Variants in UGGT1 observed in about 807,000 individuals in gnomAD.
UGGT1 encodes the protein UDP-glucose:glycoprotein glucosyltransferase 1.
A neutral mutation model predicts 203.9 loss-of-function variants in UGGT1; 107 were observed. That is an observed-to-expected ratio of 0.52 (90% CI 0.45 to 0.62). The LOEUF (loss-of-function observed/expected upper bound fraction) is 0.62. Among genes scored for constraint, UGGT1 ranks in the 20% least tolerant of loss-of-function variants. The pLI, the probability that UGGT1 is intolerant of heterozygous loss-of-function variation, is 0.00. For synonymous variants in UGGT1, 628 were observed against 653.5 expected (o/e 0.96, Z 0.59); for missense variants, 1,673 against 1,867.2 (o/e 0.90, Z 1.92).
intron 40 of UGGT1, among the ~76,000 whole-genome samples, chr2:128,188,173 A>G (rs1692081497): frequency 6.6e-6 from 1 of 151,848 alleles, no homozygotes; most frequent in Non-Finnish European, 1.5e-5. Context: ...GGCATGCACC[A>G]CCACACCCAG....
At chr2:128,189,081 A>G (rs914201583) in intron 40 of UGGT1, among the ~76,000 whole-genome samples, 1 of 152,250 alleles carries the variant, frequency 6.6e-6, no homozygotes. Context: ...AGTATCTGCT[A>G]CATGGAAGAA....
At chr2:128,159,781 T>G in intron 23 of UGGT1, 61 bp downstream of exon 23, 7 of 1,518,770 alleles carry the variant, frequency 4.6e-6, no homozygotes, top group African/African-American at 1.4e-5. Context: ...GCTCACCCAC[T>G]GCAGCTTACG....
chr2:128,126,494 G>T (rs1310278847), intron 11 of UGGT1, among the ~76,000 whole-genome samples: 1 of 151,934 alleles, frequency 6.6e-6, no homozygotes, highest in Non-Finnish European at 1.5e-5. Context: ...CACCCGCCTC[G>T]GCCTCTCAAA....
At chr2:128,176,192 T>G (rs575400662) in intron 31 of UGGT1, among the ~76,000 whole-genome samples, 86 of 152,174 alleles carry the variant, frequency 5.7e-4, no homozygotes, top group African/African-American at 2.1e-3. Context: ...GGAGGGTGGA[T>G]CACTTAAGGT....
At chr2:128,172,338 G>T (rs566062180) in intron 28 of UGGT1, among the ~76,000 whole-genome samples, 55 of 152,058 alleles carry the variant, frequency 3.6e-4, no homozygotes, top group Non-Finnish European at 4.0e-4. Context: ...ATCACCACAG[G>T]CCACCACTGA....
chr2:128,112,018 G>T (rs141413888), intron 5 of UGGT1, among the ~76,000 whole-genome samples: 1 of 151,454 alleles, frequency 6.6e-6, no homozygotes, highest in East Asian at 2.0e-4. Flanking sequence ...TGCACCTGTA[G>T]TCCCTCCTTG....
At chr2:128,172,482 G>GTT in intron 28 of UGGT1, 91 bp from the exon 29 acceptor site, 1 of 1,404,394 alleles carries the variant, frequency 7.1e-7, no homozygotes, top group Non-Finnish European at 9.9e-7. Flanking sequence ...AATCTAATTT[G>GTT]TTTTAACCAG....
intron 31 of UGGT1, among the ~76,000 whole-genome samples, chr2:128,176,193 C>T (rs944453673): frequency 6.6e-6 from 1 of 152,100 alleles, no homozygotes; most frequent in Admixed American, 6.6e-5. Flanking sequence ...GAGGGTGGAT[C>T]ACTTAAGGTC....
At position 128,114,085 on chromosome 2, in the gene UGGT1, C is replaced by A. The variant is rs114741573; in HGVS notation, c.696+827C>A. On this transcript the variant is annotated intron_variant, in intron 6 of 40. Transcript: ENST00000259253. ...TTTCTATGTCATAATAAGCTCAGTA[C>A]TAAGTTCATGCAAAAAAAATAAAAT... Among the ~76,000 whole-genome samples, 944 of 152,006 alleles carry A rather than the reference C, an allele frequency of 6.2e-3. 6 individuals are homozygous for A. Among genetic ancestry groups the A allele is most frequent in the Middle Eastern group, 0.037 (11 of 294 alleles).
At chr2:128,140,688 T>A (rs1014181391) in intron 16 of UGGT1, among the ~76,000 whole-genome samples, 2 of 151,964 alleles carry the variant, frequency 1.3e-5, no homozygotes, top group African/African-American at 4.8e-5. Flanking sequence ...TATTAAAAAA[T>A]TTTTTTTAGA....
chr2:128,161,519 A>T (rs1690528558), intron 25 of UGGT1, among the ~76,000 whole-genome samples: 2 of 152,208 alleles, frequency 1.3e-5, no homozygotes, highest in Non-Finnish European at 2.9e-5. Flanking sequence ...TTGGTTGTGG[A>T]AAATTTCAAA....
intron 18 of UGGT1, among the ~76,000 whole-genome samples, chr2:128,148,040 T>C (rs1285795062): frequency 6.6e-6 from 1 of 152,142 alleles, no homozygotes; most frequent in African/African-American, 2.4e-5. Context: ...TTAGTGACTT[T>C]CCTGAACCAA....
rs977914541 is a variant in UGGT1 at position 128,193,272 on chromosome 2, AAG to A, written c.*3535_*3536del. On this transcript the variant is annotated 3_prime_UTR_variant, in exon 41 of 41. Coordinates refer to ENST00000259253, the MANE Select transcript of UGGT1 (RefSeq NM_020120.4). ...CTTAAGCCCTCGTGGGTTTTTTTTTAAGAGAGTCTCATTCTGTCACCCAGGCT... is the reference window on the plus strand; with the variant it reads ...CTTAAGCCCTCGTGGGTTTTTTTTTAAGAGTCTCATTCTGTCACCCAGGCT... 9.0e-5 allele frequency: 13 copies of A among 144,548 alleles called. No individual in the cohort carries two copies. Among genetic ancestry groups the A allele is most frequent in the Admixed American group, 4.8e-4 (7 of 14,492 alleles). 9.0% of individuals were successfully genotyped at this position (144,548 alleles called of 1,614,324 possible).
chr2:128,111,044 T>C (rs1465687077), intron 5 of UGGT1, among the ~76,000 whole-genome samples: 3 of 152,174 alleles, frequency 2.0e-5, no homozygotes, highest in Non-Finnish European at 4.4e-5. Context: ...GGAGAAGTTT[T>C]AAAGTTTATG....
intron 6 of UGGT1, 87 bp downstream of exon 6, chr2:128,113,345 A>T (rs996980489): frequency 2.7e-6 from 3 of 1,105,658 alleles, no homozygotes; most frequent in African/African-American, 1.6e-5. Context: ...CCCTCTTTAT[A>T]AAAAAATCTA....
chr2:128,134,652 C>T (rs530098326), intron 14 of UGGT1, among the ~76,000 whole-genome samples: 39 of 152,262 alleles, frequency 2.6e-4, no homozygotes, highest in Middle Eastern at 3.4e-3. Context: ...AGTACAGTTC[C>T]CTTGTTATCA....
chr2:128,128,536 A>T (rs1573539159), intron 12 of UGGT1, among the ~76,000 whole-genome samples: 1 of 152,166 alleles, frequency 6.6e-6, no homozygotes, highest in East Asian at 1.9e-4. Flanking sequence ...CTGGTCTCGA[A>T]CTACTGACCT....
intron 18 of UGGT1, 135 bp downstream of exon 18, chr2:128,146,102 A>G: frequency 9.7e-7 from 1 of 1,033,364 alleles, no homozygotes; most frequent in Non-Finnish European, 1.4e-6. Flanking sequence ...GAGGGTAGGA[A>G]GTCTGAGACC....
At chr2:128,092,466 T>C (rs1230682936) in intron 1 of UGGT1, among the ~76,000 whole-genome samples, 1 of 151,736 alleles carries the variant, frequency 6.6e-6, no homozygotes, top group African/African-American at 2.4e-5. Flanking sequence ...ATAATGCACA[T>C]TGAACTTCAG....
Sources: allele counts gnomAD v4.1 joint callset (sites outside exome capture counted in the v4.1 genomes callset), GRCh38; gene constraint gnomAD v4.1.1; transcripts MANE v1.5; gene names NCBI Gene and HGNC (gene_info 2026-07-23, HGNC 2026-07-21).